GAS2: variants seen among roughly 807,000 people sequenced by gnomAD.
GAS2 encodes growth arrest specific 2, also known as growth arrest-specific protein 2.
Under a neutral mutation model 37.5 loss-of-function variants are expected in GAS2, and 20 were observed. The observed-to-expected ratio is 0.53, with a 90% CI of 0.37 to 0.77. GAS2 has a LOEUF of 0.77. GAS2 is among the 30% of genes least tolerant of loss of function. GAS2 has a pLI of 0.00. For missense variants in GAS2, 336 were observed against 373.4 expected (o/e 0.90, Z 0.82); for synonymous variants, 144 against 132.2 (o/e 1.09, Z -0.61).
At chr11:22,693,103 A>G (rs1850334055) in intron 3 of GAS2, among the ~76,000 whole-genome samples, 1 of 152,168 alleles carries the variant, frequency 6.6e-6, no homozygotes, top group Non-Finnish European at 1.5e-5. Flanking sequence ...AATCTCCAAT[A>G]TCAAATATTG....
At chr11:22,712,091 C>T (rs190471497) in intron 3 of GAS2, among the ~76,000 whole-genome samples, 6 of 152,166 alleles carry the variant, frequency 3.9e-5, no homozygotes, top group African/African-American at 1.4e-4. Context: ...GGAGGCCAAC[C>T]AACTCAAGTC....
At chr11:22,712,420 C>T (rs1245460123) in intron 3 of GAS2, among the ~76,000 whole-genome samples, 2 of 152,114 alleles carry the variant, frequency 1.3e-5, no homozygotes, top group African/African-American at 2.4e-5. Flanking sequence ...CCCAGTTGCC[C>T]CACTGGGTGG....
At chr11:22,645,748 C>T (rs1268318409) in intron 1 of GAS2, among the ~76,000 whole-genome samples, 1 of 151,632 alleles carries the variant, frequency 6.6e-6, no homozygotes, top group Non-Finnish European at 1.5e-5. Flanking sequence ...TTGAATTGTG[C>T]CATTATACAT....
At chr11:22,781,604 C>T (rs1325821592) in intron 7 of GAS2, among the ~76,000 whole-genome samples, 1 of 152,100 alleles carries the variant, frequency 6.6e-6, no homozygotes. Context: ...ACCTCTTTAA[C>T]AACTTATAGA....
chr11:22,685,082 T>C (rs1410201797), intron 2 of GAS2, among the ~76,000 whole-genome samples: 1 of 152,032 alleles, frequency 6.6e-6, no homozygotes, highest in East Asian at 1.9e-4. Flanking sequence ...GGAGGATTGC[T>C]TGAGCCCAAG....
chr11:22,637,664 A>T lies in GAS2; in HGVS notation c.-21+11851A>T, dbSNP rs370664100. On this transcript the variant is annotated intron_variant, in intron 1 of 5. Transcript: ENST00000528582. ...ATTTATATATTATTGATATAATATA[A>T]AATAAATATTTATATTATATCAATA... Among the ~76,000 whole-genome samples the T allele has an allele frequency of 3.4e-3, 465 of 137,644 alleles. 13 individuals are homozygous for T. In the East Asian group the frequency reaches 0.071, roughly 21 times the overall value. 90.3% of individuals were successfully genotyped at this position (137,644 alleles called of 152,430 possible). A position where few individuals can be genotyped will look rare whatever the true frequency, so the allele number is the denominator to read the frequency against.
intron 7 of GAS2, among the ~76,000 whole-genome samples, chr11:22,772,319 G>A (rs1251425021): frequency 2.0e-5 from 3 of 152,142 alleles, no homozygotes; most frequent in Non-Finnish European, 4.4e-5. Flanking sequence ...GGTTCAAGAG[G>A]AAGATGTTGG....
rs937961514 is a variant in GAS2, at chr11:22,647,046, A to G, written c.-21+21233A>G. On this transcript the variant is annotated intron_variant, in intron 1 of 5. Transcript: ENST00000528582. ...ACTAACTCGTCATCTAGCATTAGGTATATCTCCCAATGCTATCCTTCCCCC... is the reference window on the plus strand; with the variant it reads ...ACTAACTCGTCATCTAGCATTAGGTGTATCTCCCAATGCTATCCTTCCCCC... 5.3e-5 allele frequency among the ~76,000 whole-genome samples: 8 copies of G among 150,508 alleles called. No individual in the cohort carries two copies. In the East Asian group the frequency reaches 5.9e-4, roughly 11 times the overall value.
chr11:22,782,555 C>T (rs1416622187), intron 7 of GAS2, among the ~76,000 whole-genome samples: 6 of 151,664 alleles, frequency 4.0e-5, no homozygotes, highest in African/African-American at 1.5e-4. Context: ...CAGCTCTTGC[C>T]CCCACATCCT....
chr11:22,769,189 G>A (rs915849523), intron 7 of GAS2, among the ~76,000 whole-genome samples: 5 of 152,148 alleles, frequency 3.3e-5, no homozygotes, highest in Non-Finnish European at 4.4e-5. Flanking sequence ...CACAGGATAT[G>A]TGTCACAAAA....
chr11:22,754,494 C>G (rs1853914878), intron 6 of GAS2, among the ~76,000 whole-genome samples: 1 of 151,994 alleles, frequency 6.6e-6, no homozygotes, highest in South Asian at 2.1e-4. Flanking sequence ...AAAGTTGGTT[C>G]TTTTGTTCTT....
intron 7 of GAS2, among the ~76,000 whole-genome samples, chr11:22,771,799 A>G (rs1302124216): frequency 6.6e-6 from 1 of 152,176 alleles, no homozygotes; most frequent in Non-Finnish European, 1.5e-5. Context: ...TATTTCCTTA[A>G]CCATCATTTA....
At chr11:22,746,210 C>A (rs186361468) in intron 5 of GAS2, among the ~76,000 whole-genome samples, 1 of 151,784 alleles carries the variant, frequency 6.6e-6, no homozygotes, top group Admixed American at 6.6e-5. Context: ...AAACAAAAAA[C>A]CCATCAGTTA....
intron 7 of GAS2, among the ~76,000 whole-genome samples, chr11:22,768,459 C>G (rs1421659396): frequency 6.6e-6 from 1 of 152,166 alleles, no homozygotes; most frequent in Admixed American, 6.5e-5. Context: ...TTCTAATCTC[C>G]CAGCACTACA....
intron 7 of GAS2, among the ~76,000 whole-genome samples, chr11:22,782,274 G>A (rs1162221937): frequency 1.3e-5 from 2 of 152,072 alleles, no homozygotes; most frequent in Non-Finnish European, 2.9e-5. Flanking sequence ...ATGATGGAGA[G>A]TTATCATCAG....
intron 4 of GAS2, among the ~76,000 whole-genome samples, chr11:22,736,535 C>T (rs557616689): frequency 1.6e-4 from 24 of 152,088 alleles, no homozygotes; most frequent in African/African-American, 5.8e-4. Context: ...CACACTTTTA[C>T]AATCAGGTAA....
At chr11:22,706,509 G>T (rs1381543334) in intron 3 of GAS2, among the ~76,000 whole-genome samples, 2 of 144,544 alleles carry the variant, frequency 1.4e-5, no homozygotes, top group East Asian at 4.5e-4. Flanking sequence ...AACAGTCCCC[G>T]GAGTGTGATG....
At chr11:22,711,718 C>A (rs933180908) in intron 3 of GAS2, among the ~76,000 whole-genome samples, 3 of 152,164 alleles carry the variant, frequency 2.0e-5, no homozygotes, top group African/African-American at 7.2e-5. Flanking sequence ...TGGGTGAGCC[C>A]TGTCACTGCC....
intron 3 of GAS2, among the ~76,000 whole-genome samples, chr11:22,686,480 C>T (rs2133947212): frequency 7.1e-6 from 1 of 141,474 alleles, no homozygotes; most frequent in Admixed American, 7.7e-5. Context: ...CTTTGGGAGG[C>T]TGAGGCGGGC....
Sources: allele counts gnomAD v4.1 joint callset (sites outside exome capture counted in the v4.1 genomes callset), GRCh38; gene constraint gnomAD v4.1.1; transcripts MANE v1.5; gene names NCBI Gene and HGNC (gene_info 2026-07-23, HGNC 2026-07-21).